Variants in PPP4R3B observed in about 807,000 individuals in gnomAD.
PPP4R3B encodes the protein protein phosphatase 4 regulatory subunit 3B, also known as serine/threonine-protein phosphatase 4 regulatory subunit 3B.
Under a neutral mutation model 95.4 loss-of-function variants are expected in PPP4R3B, and 52 were observed. The ratio of observed to expected loss-of-function variants is 0.54; its 90% CI spans 0.44 to 0.69. PPP4R3B has a LOEUF of 0.69. Ranked by LOEUF, PPP4R3B falls within the 30% of genes least tolerant of loss-of-function variation. PPP4R3B has a pLI of 0.00. For synonymous variants in PPP4R3B, 407 were observed against 343.9 expected, an observed-to-expected ratio of 1.18 and a Z score of -2.03; for missense variants, 1,003 against 1,005.9, an observed-to-expected ratio of 1.00 and a Z score of 0.04.
chr2:55,551,097 A>T (rs1323117981), intron 16 of PPP4R3B, among the ~76,000 whole-genome samples: 1 of 152,204 alleles, frequency 6.6e-6, no homozygotes, highest in African/African-American at 2.4e-5. Flanking sequence ...TATGCCTGTA[A>T]TCCCAGCACT....
At chr2:55,587,973 AAT>A in intron 5 of PPP4R3B, among the ~76,000 whole-genome samples, 1 of 152,360 alleles carries the variant, frequency 6.6e-6, no homozygotes, top group East Asian at 1.9e-4. Context: ...GTAGCAATTC[AAT>A]ATCAGATAGC....
At chr2:55,574,055 T>C (rs919344280) in intron 11 of PPP4R3B, among the ~76,000 whole-genome samples, 15 of 149,178 alleles carry the variant, frequency 1.0e-4, no homozygotes, top group African/African-American at 3.7e-4. Flanking sequence ...TGCTAGCTAA[T>C]TTTTTTTTTC....
rs1695129818 is a variant in PPP4R3B at position 55,617,462 on chromosome 2, TGAGG to T, written c.-181_-178del. On this transcript the variant is annotated 5_prime_UTR_variant, in exon 1 of 17. Coordinates refer to ENST00000616407, the MANE Select transcript of PPP4R3B (RefSeq NM_001122964.3). ...CGCGAGAAGGGGTGACAAGAGCCAC[TGAGG>T]CCTCTCCGCCCGGAGGCCCCGTTAC... The T allele has an allele frequency of 4.6e-6, 3 of 650,856 alleles. No individual in the cohort carries two copies. In the East Asian group the frequency reaches 9.7e-5, roughly 21 times the overall value. 40.3% of individuals were successfully genotyped at this position (650,856 alleles called of 1,614,324 possible). A position where few individuals can be genotyped will look rare whatever the true frequency, so the allele number is the denominator to read the frequency against.
At chr2:55,576,559 G>A (rs1172344191) in intron 11 of PPP4R3B, among the ~76,000 whole-genome samples, 4 of 152,038 alleles carry the variant, frequency 2.6e-5, no homozygotes, top group South Asian at 2.1e-4. Flanking sequence ...TGGCTAACAC[G>A]GTGAAACTCC....
intron 2 of PPP4R3B, among the ~76,000 whole-genome samples, chr2:55,610,946 G>A (rs908609004): frequency 6.8e-5 from 10 of 147,698 alleles, no homozygotes; most frequent in African/African-American, 1.3e-4. Flanking sequence ...GCTCACTGAA[G>A]CACTGACCTC....
At chr2:55,603,126 T>G (rs1469575327) in intron 3 of PPP4R3B, among the ~76,000 whole-genome samples, 1 of 152,092 alleles carries the variant, frequency 6.6e-6, no homozygotes, top group Non-Finnish European at 1.5e-5. Context: ...CTAATTTTTG[T>G]ACTTTGAGTA....
intron 16 of PPP4R3B, among the ~76,000 whole-genome samples, chr2:55,556,977 C>G (rs1199776478): frequency 6.6e-6 from 1 of 152,130 alleles, no homozygotes; most frequent in African/African-American, 2.4e-5. Flanking sequence ...GTGGGAGGAT[C>G]AGTTGAGCCC....
chr2:55,600,765 T>A (rs1692454165), intron 3 of PPP4R3B, among the ~76,000 whole-genome samples: 1 of 148,274 alleles, frequency 6.7e-6, no homozygotes, highest in Admixed American at 6.7e-5. Context: ...AAGAAAAAAA[T>A]AAAATTTAAA....
At position 55,615,610 on chromosome 2, in the gene PPP4R3B, C is replaced by T. The variant is rs374498053; in HGVS notation, c.143-104G>A. On this transcript the variant is annotated intron_variant, in intron 1 of 16. Transcript: ENST00000616407. ...GGCGCAGTGGCTCACGTCTGTAATC[C>T]TAGCACTTTGGGAGGCGGGCAGATC... 38 of 720,810 alleles carry T rather than the reference C, an allele frequency of 5.3e-5. No homozygotes were observed. The East Asian group carries it at 9.4e-4, about 18-fold the overall frequency. The allele number at this position is 720,810 out of a possible 1,614,324, so 44.7% of individuals were successfully genotyped here.
chr2:55,549,843 A>G lies in PPP4R3B; in HGVS notation c.*68T>C. 8.4e-7 allele frequency: 1 copy of G among 1,186,030 alleles called. No homozygotes were observed. The highest frequency in any genetic ancestry group is 1.3e-6 in the Non-Finnish European group (1 of 793,704). The allele number at this position is 1,186,030 out of a possible 1,614,324, so 73.5% of individuals were successfully genotyped here. Reference sequence around the variant, plus strand: ...TTCAATTGAGAAAGCTTTCTGATTCAGATTTTCAGCTCACTGAACAGTTGC... The same window carrying G: ...TTCAATTGAGAAAGCTTTCTGATTCGGATTTTCAGCTCACTGAACAGTTGC... On this transcript the variant is annotated 3_prime_UTR_variant, in exon 17 of 17. Transcript: ENST00000616407.
chr2:55,597,730 G>C (rs1354810662), intron 4 of PPP4R3B, among the ~76,000 whole-genome samples: 3 of 152,172 alleles, frequency 2.0e-5, no homozygotes, highest in East Asian at 3.9e-4. Flanking sequence ...GAACCCAGGA[G>C]GCAGAGGTTG....
intron 8 of PPP4R3B, among the ~76,000 whole-genome samples, chr2:55,580,347 G>C (rs977777942): frequency 1.3e-4 from 19 of 151,760 alleles, no homozygotes; most frequent in African/African-American, 4.6e-4. Flanking sequence ...GATCCCATTT[G>C]TCTCTCTCTC....
In PPP4R3B at chr2:55,565,815, A is replaced by C. The variant is rs192280707; in HGVS notation, c.1936-774T>G. ...GCTTGATGACAAAGAGATCTCTCTC[A>C]AGCCTTTCCCACATCAGAGGCTGGC... On this transcript the variant is annotated intron_variant, in intron 13 of 16. Transcript: ENST00000616407. The C allele has an allele frequency of 7.3e-5, 13 of 177,464 alleles. No homozygotes were observed. In the East Asian group the frequency reaches 1.7e-3, roughly 24 times the overall value. The allele number at this position is 177,464 out of a possible 1,614,324, so 11.0% of individuals were successfully genotyped here.
At position 55,573,673 on chromosome 2, in the gene PPP4R3B, A is replaced by C; in HGVS notation, c.1711T>G (p.Leu571Val). Residue 571 changes from leucine to valine, a missense_variant, in exon 12 of 17, where the codon TTG becomes GTG. This residue lies in a region of PPP4R3B where 695 missense variants were observed against 686.2 expected (regional missense o/e 1.01). Coordinates refer to ENST00000616407, the MANE Select transcript of PPP4R3B (RefSeq NM_001122964.3). ...HIKNYIMNKD[L>V]LRRVLVLMNS... ...ATCAAGACCAAGACTCTTCTTAGCA[A>C]GTCCTTGTTCATAATATAGTTTTTT... The C allele has an allele frequency of 6.5e-7, 1 of 1,546,036 alleles. No homozygotes were observed. The highest frequency in any genetic ancestry group is 8.7e-7 in the Non-Finnish European group (1 of 1,145,380).
At chr2:55,605,812 A>T (rs1472021082) in intron 2 of PPP4R3B, among the ~76,000 whole-genome samples, 1 of 151,992 alleles carries the variant, frequency 6.6e-6, no homozygotes, top group African/African-American at 2.4e-5. Flanking sequence ...AGGCTGAGGC[A>T]AAAGAATCGC....
rs1286044470 is a variant in PPP4R3B, at chr2:55,585,247, T to C, written c.1117-80A>G. The C allele has an allele frequency of 5.0e-6, 5 of 995,508 alleles. No individual in the cohort carries two copies. The African/African-American group carries it at 6.6e-5, about 13-fold the overall frequency. 61.7% of individuals were successfully genotyped at this position (995,508 alleles called of 1,614,324 possible). Reference sequence around the variant, plus strand: ...ATTTCTTTTTTCTTTTCCAAATCCATACACTAGCTCTCAACTTTTTGGATT... The same window carrying C: ...ATTTCTTTTTTCTTTTCCAAATCCACACACTAGCTCTCAACTTTTTGGATT... On this transcript the variant is annotated intron_variant, in intron 6 of 16. Coordinates refer to ENST00000616407, the MANE Select transcript of PPP4R3B (RefSeq NM_001122964.3).
At chr2:55,614,637 T>C (rs1051008315) in intron 2 of PPP4R3B, 3 of 152,150 alleles carry the variant, frequency 2.0e-5, no homozygotes, top group Non-Finnish European at 4.4e-5. Flanking sequence ...GTTACCTATG[T>C]AGGGGATGGA....
intron 16 of PPP4R3B, among the ~76,000 whole-genome samples, chr2:55,553,373 G>C (rs977337180): frequency 6.6e-6 from 1 of 152,138 alleles, no homozygotes; most frequent in African/African-American, 2.4e-5. Context: ...AGTATGGGGG[G>C]AACTACAAAC....
At position 55,617,377 on chromosome 2, in the gene PPP4R3B, C is replaced by CGGT; in HGVS notation, c.-95_-93dup. ...TAGGAGACGGTAAAGGCAGTAGTGG[C>CGGT]GGTGGCGGCGGCGGCGGCTTCGGAG... On this transcript the variant is annotated 5_prime_UTR_variant, in exon 1 of 17. Transcript: ENST00000616407. 1 of 1,356,592 alleles carries CGGT rather than the reference C, an allele frequency of 7.4e-7. No individual in the cohort carries two copies. Among genetic ancestry groups the CGGT allele is most frequent in the Non-Finnish European group, 9.6e-7 (1 of 1,042,150 alleles). 84.0% of individuals were successfully genotyped at this position (1,356,592 alleles called of 1,614,324 possible). A position where few individuals can be genotyped will look rare whatever the true frequency, so the allele number is the denominator to read the frequency against.
Sources: gnomAD v4.1 joint callset for allele counts (sites outside exome capture counted in the v4.1 genomes callset) on GRCh38, gnomAD v4.1.1 for gene constraint, gnomAD v4.1.1 regional missense constraint, MANE v1.5 for transcripts, NCBI Gene and HGNC (gene_info 2026-07-23, HGNC 2026-07-21) for gene names.